The following ADCY2 variants were observed in gnomAD, a reference collection of about 807,000 sequenced individuals.
The protein encoded by ADCY2 is adenylate cyclase type 2.
A neutral mutation model predicts 125.2 loss-of-function variants in ADCY2; 31 were observed. That is an observed-to-expected ratio of 0.25 (90% confidence interval 0.19 to 0.33). The LOEUF (loss-of-function observed/expected upper bound fraction) is 0.33, where lower values mean the gene tolerates loss of function less well. ADCY2 is among the 10% of genes least tolerant of loss of function. ADCY2 has a pLI of 1.00. For synonymous variants in ADCY2, 512 were observed against 548.4 expected (o/e 0.93, Z 0.93); for missense variants, 904 against 1,418.2 (o/e 0.64, Z 5.82).
chr5:7,774,159 G>GTGTAGACA (rs1191143167), intron 18 of ADCY2, among the ~76,000 whole-genome samples: 1 of 152,230 alleles, frequency 6.6e-6, no homozygotes, highest in Non-Finnish European at 1.5e-5. Flanking sequence ...TTATCCCACT[G>GTGTAGACA]TGTAGACATT....
chr5:7,482,123 G>T (rs966080417), intron 2 of ADCY2, among the ~76,000 whole-genome samples: 1 of 152,064 alleles, frequency 6.6e-6, no homozygotes, highest in Non-Finnish European at 1.5e-5. Flanking sequence ...AAAAAGTATT[G>T]ATCTGGGGTT....
At chr5:7,682,605 G>C (rs1455889407) in intron 4 of ADCY2, among the ~76,000 whole-genome samples, 1 of 152,208 alleles carries the variant, frequency 6.6e-6, no homozygotes, top group East Asian at 1.9e-4. Flanking sequence ...GATTCTCAAG[G>C]ATGAAGGGAA....
chr5:7,551,948 G>A (rs1735357094), intron 3 of ADCY2, among the ~76,000 whole-genome samples: 1 of 152,142 alleles, frequency 6.6e-6, no homozygotes, highest in Non-Finnish European at 1.5e-5. Context: ...TGTGGGAAAT[G>A]TATTATTTGT....
chr5:7,497,865 A>G (rs1743395764), intron 2 of ADCY2, among the ~76,000 whole-genome samples: 2 of 152,332 alleles, frequency 1.3e-5, no homozygotes, highest in South Asian at 2.1e-4. Context: ...ACCAGACTGA[A>G]GGACCAGAAT....
At chr5:7,412,492 G>A (rs1399884285) in intron 1 of ADCY2, among the ~76,000 whole-genome samples, 1 of 152,176 alleles carries the variant, frequency 6.6e-6, no homozygotes, top group African/African-American at 2.4e-5. Flanking sequence ...CCGTTTGTTC[G>A]TGGTGTCTGA....
At chr5:7,408,979 T>TA (rs1739608391) in intron 1 of ADCY2, among the ~76,000 whole-genome samples, 1 of 152,134 alleles carries the variant, frequency 6.6e-6, no homozygotes, top group Non-Finnish European at 1.5e-5. Context: ...GGAATCAACC[T>TA]AAATGCCCAT....
In ADCY2 at chr5:7,690,859, C is replaced by G. The variant is rs751799609; in HGVS notation, c.869+20C>G. 2 of 1,525,740 alleles carry G rather than the reference C, an allele frequency of 1.3e-6. No individual in the cohort carries two copies. Among genetic ancestry groups the G allele is most frequent in the South Asian group, 2.6e-5 (2 of 76,428 alleles). The allele number at this position is 1,525,740 out of a possible 1,614,324, so 94.5% of individuals were successfully genotyped here. A position where few individuals can be genotyped will look rare whatever the true frequency, so the allele number is the denominator to read the frequency against. The stretch of plus-strand genomic sequence containing the variant: ...CGTGAGGTACGACGCTATGCTTGCT[C>G]CTTGGCTGGTCTGGGAGTCTGCCTG... On this transcript the variant is annotated intron_variant, in intron 5 of 24. Coordinates refer to ENST00000338316, the MANE Select transcript of ADCY2 (RefSeq NM_020546.3).
intron 2 of ADCY2, among the ~76,000 whole-genome samples, chr5:7,504,547 A>G (rs988344572): frequency 1.3e-5 from 2 of 152,120 alleles, no homozygotes; most frequent in African/African-American, 4.8e-5. Context: ...AACACTGTTC[A>G]GCAAGAAGTA....
intron 2 of ADCY2, among the ~76,000 whole-genome samples, chr5:7,473,372 G>T (rs572970171): frequency 8.0e-4 from 122 of 152,124 alleles, no homozygotes; most frequent in Non-Finnish European, 1.2e-3. Flanking sequence ...AAGAGAGAGT[G>T]GGGGGAGGTG....
intron 16 of ADCY2, among the ~76,000 whole-genome samples, chr5:7,761,570 C>G (rs1314721853): frequency 6.6e-6 from 1 of 151,970 alleles, no homozygotes; most frequent in Admixed American, 6.6e-5. Flanking sequence ...TAGGAAAGTG[C>G]CTTCCATTCA....
chr5:7,727,094 G>A (rs1435562520), intron 13 of ADCY2, 70 bp from the exon 14 acceptor site: 1 of 1,177,930 alleles, frequency 8.5e-7, no homozygotes, highest in African/African-American at 1.5e-5. Flanking sequence ...GGTACAACTA[G>A]GCTGCTGGAC....
chr5:7,492,084 G>T (rs1401256979), intron 2 of ADCY2, among the ~76,000 whole-genome samples: 3 of 152,186 alleles, frequency 2.0e-5, no homozygotes, highest in Non-Finnish European at 4.4e-5. Flanking sequence ...CAGCAGCAGG[G>T]ATCACCCTCC....
intron 3 of ADCY2, among the ~76,000 whole-genome samples, chr5:7,616,681 G>A (rs1409171623): frequency 6.6e-6 from 1 of 152,186 alleles, no homozygotes; most frequent in Non-Finnish European, 1.5e-5. Flanking sequence ...TGACATTCCA[G>A]TAGATTCTCT....
At chr5:7,448,071 A>T (rs1437366812) in intron 2 of ADCY2, among the ~76,000 whole-genome samples, 1 of 152,176 alleles carries the variant, frequency 6.6e-6, no homozygotes, top group Admixed American at 6.5e-5. Context: ...TGCTTACAAC[A>T]GGCCCTCTTG....
At chr5:7,737,737 A>G (rs1260083482) in intron 14 of ADCY2, among the ~76,000 whole-genome samples, 1 of 152,194 alleles carries the variant, frequency 6.6e-6, no homozygotes, top group East Asian at 1.9e-4. Flanking sequence ...AGGAAACCAC[A>G]TGTGGCATAT....
chr5:7,406,952 C>T lies in ADCY2; in HGVS notation c.211-7621C>T, dbSNP rs907030002. ...ACTTTAAGCCTGTATGGGAAACACA[C>T]TCTGAGTTTACTTTTCCCTGTGCCA... is the stretch of plus-strand genomic sequence containing the variant. On this transcript the variant is annotated intron_variant, in intron 1 of 24. Coordinates refer to ENST00000338316, the MANE Select transcript of ADCY2 (RefSeq NM_020546.3). Among the ~76,000 whole-genome samples the T allele has an allele frequency of 2.6e-5, 4 of 152,350 alleles. No homozygotes were observed. The South Asian group carries it at 6.2e-4, about 24-fold the overall frequency.
chr5:7,627,343 T>A (rs552485542), intron 4 of ADCY2, among the ~76,000 whole-genome samples: 3 of 152,072 alleles, frequency 2.0e-5, no homozygotes, highest in Admixed American at 1.3e-4. Flanking sequence ...GACCAAGATA[T>A]CACCAAGGAT....
At chr5:7,820,476 A>G (rs1745262824) in intron 23 of ADCY2, 89 bp from the exon 24 acceptor site, 2 of 1,491,186 alleles carry the variant, frequency 1.3e-6, no homozygotes, top group Non-Finnish European at 1.8e-6. Context: ...CCTGGGTGAC[A>G]GAATAAGACC....
Position 7,555,881 on chromosome 5 carries a change from C to G in ADCY2, c.570+34982C>G, listed in dbSNP as rs553539321. On this transcript the variant is annotated intron_variant, in intron 3 of 24. Transcript: ENST00000338316. ...ACACACACACACACACACACACACA[C>G]ACAGACATGATTCTTGGGTGATAAA... is the stretch of plus-strand genomic sequence containing the variant. 1.1e-3 allele frequency among the ~76,000 whole-genome samples: 168 copies of G among 150,580 alleles called. 1 individual carries two copies. Among genetic ancestry groups the G allele is most frequent in the African/African-American group, 3.7e-3 (154 of 41,196 alleles).
Sources: allele counts gnomAD v4.1 joint callset (sites outside exome capture counted in the v4.1 genomes callset), GRCh38; gene constraint gnomAD v4.1.1; transcripts MANE v1.5; gene names NCBI Gene and HGNC (gene_info 2026-07-23, HGNC 2026-07-21).